The following ARMH1 variants were observed in gnomAD, a reference collection of about 807,000 sequenced individuals.
The protein encoded by ARMH1 is armadillo like helical domain containing 1.
Under a neutral mutation model 50.2 loss-of-function variants are expected in ARMH1, and 34 were observed. The ratio of observed to expected loss-of-function variants is 0.68; its 90% CI spans 0.51 to 0.90. The LOEUF (loss-of-function observed/expected upper bound fraction) is 0.90. Ranked by LOEUF, ARMH1 falls within the 40% of genes least tolerant of loss-of-function variation. The probability of loss-of-function intolerance (pLI) is 0.00; values close to 1 mark genes in which losing one functional copy is unlikely to be tolerated. For synonymous variants in ARMH1, 221 were observed against 224.2 expected, an observed-to-expected ratio of 0.99 and a Z score of 0.13; for missense variants, 538 against 553.9, an observed-to-expected ratio of 0.97 and a Z score of 0.29.
rs1645691481 is a variant in ARMH1, at chr1:44,692,511, T to C, written c.206+2608T>C. Among the ~76,000 whole-genome samples the C allele has an allele frequency of 2.0e-5, 3 of 152,182 alleles. No homozygotes were observed. The South Asian group carries it at 6.2e-4, about 31-fold the overall frequency. On this transcript the variant is annotated intron_variant, in intron 2 of 11. Coordinates refer to ENST00000535358, the MANE Select transcript of ARMH1 (RefSeq NM_001145636.2). ...GAATCGCATCTGTTCTACTTATCTT[T>C]ATATTTCTAACATGTAGCACAATGC... is the stretch of plus-strand genomic sequence containing the variant.
At chr1:44,706,423 T>A (rs1384251227) in intron 6 of ARMH1, among the ~76,000 whole-genome samples, 1 of 152,008 alleles carries the variant, frequency 6.6e-6, no homozygotes, top group Non-Finnish European at 1.5e-5. Context: ...GGCATCAGTA[T>A]AGGGATAGGG....
At chr1:44,688,547 C>A (rs1222087724) in intron 1 of ARMH1, among the ~76,000 whole-genome samples, 1 of 152,182 alleles carries the variant, frequency 6.6e-6, no homozygotes, top group Non-Finnish European at 1.5e-5. Flanking sequence ...TCGTGAAATA[C>A]ACATCTCTCC....
chr1:44,724,585 C>T lies in ARMH1; in HGVS notation c.967C>T (p.Leu323=), dbSNP rs1395238827. Residue 323 remains leucine, a synonymous_variant, in exon 9 of 12, where the codon CTG becomes TTG. Coordinates refer to ENST00000535358, the MANE Select transcript of ARMH1 (RefSeq NM_001145636.2). This position sits in a 1 kb window ranked among gnomAD's most constrained non-coding sequence, Gnocchi z 6.4. ...DMSIAEELLY[L]RVVRGLMAAM... ...GAGCATCGCCGAGGAGCTGCTGTACCTGCGCGTGGTGCGTGGCCTAATGGC... is the reference window on the plus strand; with the variant it reads ...GAGCATCGCCGAGGAGCTGCTGTACTTGCGCGTGGTGCGTGGCCTAATGGC... 1 of 1,518,634 alleles carries T rather than the reference C, an allele frequency of 6.6e-7. No individual in the cohort carries two copies. The allele number at this position is 1,518,634 out of a possible 1,614,324, so 94.1% of individuals were successfully genotyped here. A position where few individuals can be genotyped will look rare whatever the true frequency, so the allele number is the denominator to read the frequency against.
chr1:44,706,451 G>T (rs924828224), intron 6 of ARMH1, among the ~76,000 whole-genome samples: 2 of 152,160 alleles, frequency 1.3e-5, no homozygotes, highest in Non-Finnish European at 2.9e-5. Flanking sequence ...TGTCCAGGAT[G>T]ACAGGCTGAG....
chr1:44,725,433 G>A lies in ARMH1; in HGVS notation c.*30G>A, dbSNP rs1349462726. 8 of 1,549,630 alleles carry A rather than the reference G, an allele frequency of 5.2e-6. No individual in the cohort carries two copies. Among genetic ancestry groups the A allele is most frequent in the Non-Finnish European group, 6.1e-6 (7 of 1,145,262 alleles). On this transcript the variant is annotated 3_prime_UTR_variant, in exon 12 of 12. Coordinates refer to ENST00000535358, the MANE Select transcript of ARMH1 (RefSeq NM_001145636.2). ...CCCTGTGGCAAACCAGGAAGGCCAA[G>A]GCTGCGGGGCAGGGAAGCCTGGCAA...
chr1:44,682,340 A>G lies in ARMH1; in HGVS notation c.-22-7336A>G, dbSNP rs1645340289. 6.6e-6 allele frequency among the ~76,000 whole-genome samples: 1 copy of G among 152,302 alleles called. No individual in the cohort carries two copies. The highest frequency in any genetic ancestry group is 2.4e-5 in the African/African-American group (1 of 41,554). On this transcript the variant is annotated intron_variant, in intron 1 of 11. Coordinates refer to ENST00000535358, the MANE Select transcript of ARMH1 (RefSeq NM_001145636.2). This position sits in a 1 kb window ranked among gnomAD's most constrained non-coding sequence, Gnocchi z 4.5. ...ATTGATCGGCACTGCGGCAAGGTAG[A>G]GAGGGAAAGACAGATGGCCTGACCT...
chr1:44,698,347 T>G, intron 4 of ARMH1, 118 bp downstream of exon 4: 1 of 888,588 alleles, frequency 1.1e-6, no homozygotes, highest in African/African-American at 1.7e-5. Context: ...AAGCTTTTTG[T>G]GCTCCTGTCC....
chr1:44,707,677 A>T (rs573126900), intron 6 of ARMH1, among the ~76,000 whole-genome samples: 1 of 152,296 alleles, frequency 6.6e-6, no homozygotes, highest in South Asian at 2.1e-4. Context: ...CTGCCTCCAC[A>T]TTCCAAAGTG....
Position 44,725,438 on chromosome 1 carries a change from C to T in ARMH1, c.*35C>T. On this transcript the variant is annotated 3_prime_UTR_variant, in exon 12 of 12. Coordinates refer to ENST00000535358, the MANE Select transcript of ARMH1 (RefSeq NM_001145636.2). Reference sequence around the variant, plus strand: ...TGGCAAACCAGGAAGGCCAAGGCTGCGGGGCAGGGAAGCCTGGCAAGAGGA... The same window carrying T: ...TGGCAAACCAGGAAGGCCAAGGCTGTGGGGCAGGGAAGCCTGGCAAGAGGA... 1.3e-6 allele frequency: 2 copies of T among 1,546,804 alleles called. No individual in the cohort carries two copies. The highest frequency in any genetic ancestry group is 1.8e-6 in the Non-Finnish European group (2 of 1,142,782).
chr1:44,687,208 A>G (rs1412772185), intron 1 of ARMH1, among the ~76,000 whole-genome samples: 2 of 152,098 alleles, frequency 1.3e-5, no homozygotes, highest in African/African-American at 4.8e-5. Flanking sequence ...GCAGATGACC[A>G]TGTTTTCCCT....
At chr1:44,722,247 G>C (rs926688640) in intron 6 of ARMH1, among the ~76,000 whole-genome samples, 8 of 152,086 alleles carry the variant, frequency 5.3e-5, no homozygotes, top group Non-Finnish European at 1.2e-4. Flanking sequence ...CTTCCATGTA[G>C]CCACATGTGT....
intron 6 of ARMH1, among the ~76,000 whole-genome samples, chr1:44,719,548 T>TG (rs746272796): frequency 7.9e-5 from 12 of 152,252 alleles, no homozygotes; most frequent in Non-Finnish European, 1.5e-4. Flanking sequence ...AGGATGTGGC[T>TG]GCTCCCTCTG....
At chr1:44,703,897 T>G (rs934991782) in intron 5 of ARMH1, among the ~76,000 whole-genome samples, 192 bp from the exon 6 acceptor site, 2 of 151,372 alleles carry the variant, frequency 1.3e-5, no homozygotes, top group Non-Finnish European at 3.0e-5. Context: ...CAGCTAATTT[T>G]TTGCATTTTT....
At chr1:44,691,313 T>G (rs1316099566) in intron 2 of ARMH1, among the ~76,000 whole-genome samples, 1 of 151,956 alleles carries the variant, frequency 6.6e-6, no homozygotes, top group Admixed American at 6.6e-5. Context: ...CTGTCTCCAC[T>G]TCCTCTCCTC....
intron 1 of ARMH1, among the ~76,000 whole-genome samples, chr1:44,686,793 C>T (rs1397439189): frequency 2.6e-5 from 4 of 151,014 alleles, no homozygotes; most frequent in African/African-American, 9.7e-5. Context: ...ACTGATTCCT[C>T]CACTGGGCAA....
At chr1:44,700,669 T>C (rs1024423422) in intron 4 of ARMH1, among the ~76,000 whole-genome samples, 4 of 152,090 alleles carry the variant, frequency 2.6e-5, no homozygotes, top group Admixed American at 2.6e-4. Flanking sequence ...ATGCATGTTT[T>C]ATTTGTAAAT....
At chr1:44,701,230 C>T (rs949242896) in intron 5 of ARMH1, 111 bp downstream of exon 5, 24 of 1,053,782 alleles carry the variant, frequency 2.3e-5, no homozygotes, top group Admixed American at 1.5e-4. Context: ...CAGCCTCCCA[C>T]TGCATGTCTG....
chr1:44,687,730 G>A (rs941901578), intron 1 of ARMH1, among the ~76,000 whole-genome samples: 5 of 152,146 alleles, frequency 3.3e-5, no homozygotes, highest in African/African-American at 1.2e-4. Context: ...AGAGCCACAG[G>A]ATGGGCCTTC....
intron 2 of ARMH1, among the ~76,000 whole-genome samples, chr1:44,696,111 G>A (rs1022398801): frequency 2.6e-5 from 4 of 152,184 alleles, no homozygotes; most frequent in African/African-American, 4.8e-5. Context: ...AAAGACCACC[G>A]TGTGGGCTGC....
Sources: allele counts gnomAD v4.1 joint callset (sites outside exome capture counted in the v4.1 genomes callset), GRCh38; gene constraint gnomAD v4.1.1; non-coding constraint Gnocchi (gnomAD v3.1); transcripts MANE v1.5; gene names NCBI Gene and HGNC (gene_info 2026-07-23, HGNC 2026-07-21).